The following CEP112 variants were observed in gnomAD, a reference collection of about 807,000 sequenced individuals.
CEP112 encodes centrosomal protein 112.
A neutral mutation model predicts 153.0 loss-of-function variants in CEP112; 127 were observed. The observed-to-expected ratio is 0.83, with a 90% CI of 0.72 to 0.96. The LOEUF (loss-of-function observed/expected upper bound fraction) is 0.96. Among genes scored for constraint, CEP112 ranks in the 40% least tolerant of loss-of-function variants. The probability of loss-of-function intolerance (pLI) is 0.00; values close to 1 mark genes in which losing one functional copy is unlikely to be tolerated. For synonymous variants in CEP112, 358 were observed against 374.4 expected (o/e 0.96, Z 0.51); for missense variants, 1,089 against 1,101.2 (o/e 0.99, Z 0.16).
chr17:65,688,867 A>G lies in CEP112; in HGVS notation c.2697+262T>C, dbSNP rs1390711248. ...ACTGCAACCTCTGCCTCCCGGGTTC[A>G]AGTAATTCCCCTGCCTCAGCCTCCC... On this transcript the variant is annotated intron_variant, in intron 24 of 26. Transcript: ENST00000535342. The G allele has an allele frequency of 2.0e-5, 6 of 301,934 alleles. No homozygotes were observed. The East Asian group carries it at 3.7e-4, about 19-fold the overall frequency. The allele number at this position is 301,934 out of a possible 1,614,324, so 18.7% of individuals were successfully genotyped here.
chr17:65,657,522 AG>A (rs2046121557), intron 24 of CEP112, among the ~76,000 whole-genome samples: 1 of 152,206 alleles, frequency 6.6e-6, no homozygotes, highest in South Asian at 2.1e-4. Flanking sequence ...CTATGTTGCA[AG>A]GTACATCCCT....
chr17:65,739,054 C>T (rs1419045814), intron 23 of CEP112, among the ~76,000 whole-genome samples: 2 of 152,198 alleles, frequency 1.3e-5, no homozygotes, highest in Non-Finnish European at 2.9e-5. Context: ...CTGCTTTTAC[C>T]CCTTTTAATT....
chr17:66,028,602 A>C (rs1317212756), intron 14 of CEP112, among the ~76,000 whole-genome samples, 197 bp from the exon 15 acceptor site: 1 of 151,976 alleles, frequency 6.6e-6, no homozygotes, highest in Non-Finnish European at 1.5e-5. Context: ...AATTAAATGC[A>C]GCATAGTATT....
chr17:65,952,782 G>A (rs1261537660), intron 18 of CEP112, among the ~76,000 whole-genome samples: 1 of 152,142 alleles, frequency 6.6e-6, no homozygotes, highest in Non-Finnish European at 1.5e-5. Context: ...GGTATTGTCA[G>A]CCAGTCTTTA....
chr17:66,154,112 G>A (rs147915946), intron 4 of CEP112, among the ~76,000 whole-genome samples: 8,821 of 152,124 alleles, frequency 0.058, 269 homozygotes, highest in East Asian at 0.072. Context: ...ATGGGAGGTG[G>A]AGGTTGCAGT....
chr17:66,098,203 G>A (rs1342302165), intron 6 of CEP112, among the ~76,000 whole-genome samples: 1 of 152,164 alleles, frequency 6.6e-6, no homozygotes, highest in Non-Finnish European at 1.5e-5. Context: ...TCCTTCTTCT[G>A]TCCATAAATC....
chr17:66,168,249 T>C (rs1164782867), intron 4 of CEP112, among the ~76,000 whole-genome samples: 1 of 152,056 alleles, frequency 6.6e-6, no homozygotes, highest in African/African-American at 2.4e-5. Context: ...CCCAGAAAGA[T>C]TCCCTGCACA....
At chr17:65,997,793 C>T (rs914065164) in intron 17 of CEP112, among the ~76,000 whole-genome samples, 4 of 53,758 alleles carry the variant, frequency 7.4e-5, no homozygotes, top group African/African-American at 9.3e-5. Flanking sequence ...CTAAACATCC[C>T]CCCCCCCACA....
At chr17:65,772,282 G>A (rs924943016) in intron 21 of CEP112, among the ~76,000 whole-genome samples, 4 of 151,806 alleles carry the variant, frequency 2.6e-5, no homozygotes, top group Non-Finnish European at 5.9e-5. Flanking sequence ...TTAGAAAAGA[G>A]GAAAACAATG....
chr17:66,167,474 G>A (rs910423783), intron 4 of CEP112, among the ~76,000 whole-genome samples: 1 of 151,954 alleles, frequency 6.6e-6, no homozygotes, highest in African/African-American at 2.4e-5. Flanking sequence ...TGATGAAACT[G>A]GGGTTTAGAG....
intron 6 of CEP112, 75 bp from the exon 7 acceptor site, chr17:66,096,707 A>G (rs1168747425): frequency 2.0e-5 from 18 of 914,392 alleles, no homozygotes; most frequent in Non-Finnish European, 1.5e-5. Context: ...TAAAATATAG[A>G]ATTAAGCTGC....
At chr17:66,024,898 C>T (rs548870118) in intron 16 of CEP112, among the ~76,000 whole-genome samples, 1 of 152,092 alleles carries the variant, frequency 6.6e-6, no homozygotes, top group Non-Finnish European at 1.5e-5. Flanking sequence ...TCAGATTATA[C>T]TACAAGGTTA....
intron 23 of CEP112, among the ~76,000 whole-genome samples, chr17:65,713,824 G>C (rs886447996): frequency 6.6e-6 from 1 of 151,990 alleles, no homozygotes; most frequent in Non-Finnish European, 1.5e-5. Flanking sequence ...TCCTGACCTC[G>C]TGATCCGCCC....
chr17:65,960,939 G>A (rs1477107456), intron 18 of CEP112, among the ~76,000 whole-genome samples: 1 of 151,820 alleles, frequency 6.6e-6, no homozygotes, highest in Non-Finnish European at 1.5e-5. Flanking sequence ...TTGCATCTTT[G>A]CGATGGGTAC....
intron 18 of CEP112, 29 bp from the exon 19 acceptor site, chr17:65,927,718 T>G: frequency 7.2e-7 from 1 of 1,383,890 alleles, no homozygotes. Context: ...AAATATTAAT[T>G]TTTTAAACAA....
intron 7 of CEP112, 87 bp from the exon 8 acceptor site, chr17:66,096,415 C>A: frequency 7.6e-7 from 1 of 1,311,936 alleles, no homozygotes; most frequent in Non-Finnish European, 1.1e-6. Context: ...GCCTGAGGCC[C>A]GTACCAAAAT....
intron 17 of CEP112, among the ~76,000 whole-genome samples, chr17:66,001,530 A>T (rs1043684518): frequency 1.3e-5 from 2 of 152,234 alleles, no homozygotes; most frequent in Non-Finnish European, 2.9e-5. Flanking sequence ...AAAGAGTTTA[A>T]AATATCAGAA....
At chr17:66,001,623 T>C (rs2064056474) in intron 17 of CEP112, among the ~76,000 whole-genome samples, 1 of 152,324 alleles carries the variant, frequency 6.6e-6, no homozygotes, top group East Asian at 1.9e-4. Context: ...GAAGTTTTAA[T>C]TGAATACTTT....
chr17:66,168,817 G>A (rs1453911314), intron 4 of CEP112, among the ~76,000 whole-genome samples: 1 of 151,866 alleles, frequency 6.6e-6, no homozygotes, highest in African/African-American at 2.4e-5. Context: ...CCCCAACATC[G>A]GTATTTCACT....
Sources: gnomAD v4.1 joint callset for allele counts (sites outside exome capture counted in the v4.1 genomes callset) on GRCh38, gnomAD v4.1.1 for gene constraint, MANE v1.5 for transcripts, NCBI Gene and HGNC (gene_info 2026-07-23, HGNC 2026-07-21) for gene names.